The following USP7 variants were observed in gnomAD, a reference collection of about 807,000 sequenced individuals.
USP7 encodes the protein ubiquitin specific peptidase 7.
A neutral mutation model predicts 162.9 loss-of-function variants in USP7; 9 were observed. The ratio of observed to expected loss-of-function variants is 0.06; its 90% CI spans 0.03 to 0.10. The LOEUF is 0.10. Among genes scored for constraint, USP7 ranks in the 10% least tolerant of loss-of-function variants. The pLI is 1.00. For synonymous variants in USP7, 562 were observed against 475.9 expected, an observed-to-expected ratio of 1.18 and a Z score of -2.35; for missense variants, 715 against 1,373.7, an observed-to-expected ratio of 0.52 and a Z score of 7.58.
intron 1 of USP7, among the ~76,000 whole-genome samples, chr16:8,940,858 C>T (rs1371887531): frequency 1.3e-5 from 2 of 152,130 alleles, no homozygotes; most frequent in Non-Finnish European, 2.9e-5. Flanking sequence ...GCAGGAGAAT[C>T]ACTTATATAC....
intron 1 of USP7, among the ~76,000 whole-genome samples, chr16:8,945,505 G>A (rs1300606341): frequency 6.6e-6 from 1 of 152,196 alleles, no homozygotes; most frequent in Non-Finnish European, 1.5e-5. Flanking sequence ...TAAACCAACA[G>A]ACACCTTGAA....
At chr16:8,957,460 C>T (rs758777326) in intron 1 of USP7, among the ~76,000 whole-genome samples, 5 of 151,330 alleles carry the variant, frequency 3.3e-5, no homozygotes, top group Admixed American at 2.7e-4. Flanking sequence ...AAACCATAAA[C>T]GGGCTGGGTG....
chr16:8,910,611 A>T, intron 11 of USP7, 134 bp downstream of exon 11: 1 of 781,368 alleles, frequency 1.3e-6, no homozygotes, highest in Non-Finnish European at 2.0e-6. Context: ...ATTATCCTAC[A>T]AACAGAATCC....
At chr16:8,903,918 G>A (rs1325274286) in intron 15 of USP7, among the ~76,000 whole-genome samples, 1 of 151,686 alleles carries the variant, frequency 6.6e-6, no homozygotes, top group South Asian at 2.1e-4. Context: ...GTGTTTCACT[G>A]CAATAACTTA....
chr16:8,937,231 C>A (rs1898793464), intron 1 of USP7, among the ~76,000 whole-genome samples: 1 of 151,586 alleles, frequency 6.6e-6, no homozygotes, highest in African/African-American at 2.4e-5. Flanking sequence ...AAAGGATTAA[C>A]ACGAAACAAC....
intron 14 of USP7, 144 bp downstream of exon 14, chr16:8,905,043 C>T: frequency 1.0e-6 from 1 of 967,836 alleles, no homozygotes; most frequent in Non-Finnish European, 1.6e-6. Context: ...ACGCGCAAGC[C>T]CAACCCTGCT....
intron 5 of USP7, among the ~76,000 whole-genome samples, chr16:8,920,063 A>C (rs1289058697): frequency 6.6e-6 from 1 of 152,142 alleles, no homozygotes; most frequent in Non-Finnish European, 1.5e-5. Flanking sequence ...CTGGGTATTT[A>C]TGTACCGGTC....
chr16:8,963,343 G>C lies in USP7; in HGVS notation c.-58C>G. 1 of 660,428 alleles carries C rather than the reference G, an allele frequency of 1.5e-6. No individual in the cohort carries two copies. Among genetic ancestry groups the C allele is most frequent in the Non-Finnish European group, 1.9e-6 (1 of 535,792 alleles). 40.9% of individuals were successfully genotyped at this position (660,428 alleles called of 1,614,324 possible). Reference sequence around the variant, plus strand: ...GGGGCCGGGGCTGCGAGCCCGGCGGGCGGGCGGCGGCGAGCCGGGGCGGCG... The same window carrying C: ...GGGGCCGGGGCTGCGAGCCCGGCGGCCGGGCGGCGGCGAGCCGGGGCGGCG... On this transcript the variant is annotated 5_prime_UTR_variant, in exon 1 of 31. Transcript: ENST00000344836.
chr16:8,932,167 C>T (rs1898391606), intron 1 of USP7, among the ~76,000 whole-genome samples: 1 of 152,210 alleles, frequency 6.6e-6, no homozygotes, highest in South Asian at 2.1e-4. Flanking sequence ...CATCTCAAAA[C>T]ATTCAAAATA....
Position 8,899,753 on chromosome 16 carries a change from C to T in USP7, c.2314G>A (p.Asp772Asn). Residue 772 changes from aspartate to asparagine, a missense_variant, in exon 22 of 31, where the codon GAC becomes AAC. Around this residue, in one of 11 missense-constraint regions of USP7, gnomAD observed 222 missense variants for 441.7 expected, o/e 0.50. Transcript: ENST00000344836. ...AATTCACTGTTATCATTTTCAGGGTCATCCCTGGTGGAGGGAGAAAGTTTG... is the reference window on the plus strand; with the variant it reads ...AATTCACTGTTATCATTTTCAGGGTTATCCCTGGTGGAGGGAGAAAGTTTG... The part of the protein sequence containing the change: ...DGDIIVFQKD[D>N]PENDNSELPT... 5 of 1,614,186 alleles carry T rather than the reference C, an allele frequency of 3.1e-6. No homozygotes were observed. Among genetic ancestry groups the T allele is most frequent in the Non-Finnish European group, 4.2e-6 (5 of 1,180,024 alleles).
At position 8,901,621 on chromosome 16, in the gene USP7, T is replaced by C. The variant is rs79069946; in HGVS notation, c.2048-387A>G. 3.6e-3 allele frequency among the ~76,000 whole-genome samples: 550 copies of C among 152,316 alleles called. 3 individuals carry two copies. Among genetic ancestry groups the C allele is most frequent in the African/African-American group, 0.013 (523 of 41,578 alleles). Reference sequence around the variant, plus strand: ...GACCACTCACAGCAATAAAAGTCTGTCATTTTATAGCAAGGGTCAGCAAAT... The same window carrying C: ...GACCACTCACAGCAATAAAAGTCTGCCATTTTATAGCAAGGGTCAGCAAAT... On this transcript the variant is annotated intron_variant, in intron 18 of 30. Coordinates refer to ENST00000344836, the MANE Select transcript of USP7 (RefSeq NM_003470.3).
chr16:8,941,129 G>T (rs1567240814), intron 1 of USP7, among the ~76,000 whole-genome samples: 1 of 149,096 alleles, frequency 6.7e-6, no homozygotes, highest in Admixed American at 6.7e-5. Flanking sequence ...TGGGGCCCAT[G>T]CCCCATGCCC....
intron 11 of USP7, among the ~76,000 whole-genome samples, chr16:8,910,244 G>A (rs572528812): frequency 1.1e-4 from 17 of 152,134 alleles, no homozygotes; most frequent in Non-Finnish European, 1.8e-4. Flanking sequence ...GCGGGGGCTG[G>A]CCACCTGGTC....
chr16:8,962,996 C>A (rs1900081652), intron 1 of USP7: 3 of 268,536 alleles, frequency 1.1e-5, no homozygotes, highest in South Asian at 3.3e-4. Flanking sequence ...CGGGACAATG[C>A]ACGGGGCCGG....
At position 8,905,054 on chromosome 16, in the gene USP7, C is replaced by T; in HGVS notation, c.1573+133G>A. Reference sequence around the variant, plus strand: ...CGAAACGCGCAAGCCCAACCCTGCTCATTTCTGCGCTGCTGTGAATACAAT... The same window carrying T: ...CGAAACGCGCAAGCCCAACCCTGCTTATTTCTGCGCTGCTGTGAATACAAT... On this transcript the variant is annotated intron_variant, in intron 14 of 30. Transcript: ENST00000344836. 1.6e-5 allele frequency: 18 copies of T among 1,114,050 alleles called. No individual in the cohort carries two copies. In the South Asian group the frequency reaches 2.6e-4, roughly 16 times the overall value. The allele number at this position is 1,114,050 out of a possible 1,614,324, so 69.0% of individuals were successfully genotyped here. A position where few individuals can be genotyped will look rare whatever the true frequency, so the allele number is the denominator to read the frequency against.
intron 4 of USP7, among the ~76,000 whole-genome samples, 189 bp downstream of exon 4, chr16:8,920,968 C>T (rs774387320): frequency 2.0e-5 from 3 of 152,134 alleles, no homozygotes; most frequent in African/African-American, 4.8e-5. Context: ...AAAAGTGAGA[C>T]GTGAATCCAG....
At chr16:8,919,715 G>C (rs975441471) in intron 5 of USP7, among the ~76,000 whole-genome samples, 3 of 145,176 alleles carry the variant, frequency 2.1e-5, no homozygotes, top group Non-Finnish European at 4.5e-5. Context: ...AAGCCACAGA[G>C]AACGGTGCCA....
At chr16:8,923,168 C>T in intron 3 of USP7, 47 bp downstream of exon 3, 2 of 33,880 alleles carry the variant, frequency 5.9e-5, no homozygotes, top group Non-Finnish European at 1.1e-4. Context: ...GATAAAATTG[C>T]ACTAGGCTGA....
intron 3 of USP7, among the ~76,000 whole-genome samples, chr16:8,922,403 G>A (rs543998034): frequency 7.6e-4 from 116 of 152,288 alleles, no homozygotes; most frequent in Admixed American, 2.5e-3. Context: ...CAGGAGAATC[G>A]CTTGAACCCG....
Sources: gnomAD v4.1 joint callset for allele counts (sites outside exome capture counted in the v4.1 genomes callset) on GRCh38, gnomAD v4.1.1 for gene constraint, gnomAD v4.1.1 regional missense constraint, MANE v1.5 for transcripts, NCBI Gene and HGNC (gene_info 2026-07-23, HGNC 2026-07-21) for gene names.